Variants in FN1 observed in about 807,000 individuals in gnomAD.
FN1 encodes the protein fibronectin 1.
Under a neutral mutation model 297.3 loss-of-function variants are expected in FN1, and 106 were observed. That is an observed-to-expected ratio of 0.36 (90% CI 0.30 to 0.42). The LOEUF (loss-of-function observed/expected upper bound fraction) is 0.42. Ranked by LOEUF, FN1 falls within the 10% of genes least tolerant of loss-of-function variation. The pLI is 1.00. For missense variants in FN1, 2,690 were observed against 3,124.9 expected, an observed-to-expected ratio of 0.86 and a Z score of 3.32; for synonymous variants, 1,149 against 1,152.6, an observed-to-expected ratio of 1.00 and a Z score of 0.06.
At chr2:215,432,050 G>C in intron 3 of FN1, 86 bp from the exon 4 acceptor site, 1 of 1,549,548 alleles carries the variant, frequency 6.5e-7, no homozygotes, top group Non-Finnish European at 8.9e-7. Flanking sequence ...TAGGTACTTA[G>C]GTTGGCTAAA....
rs149660627 is a variant in FN1 at position 215,369,977 on chromosome 2, A to G, written c.6853+317T>C. ...AAAGACATCAGGAAACCTGTGCCCT[A>G]TATCAACTCAGATACTCAGAAGTAA... On this transcript the variant is annotated intron_variant, in intron 41 of 45. Transcript: ENST00000354785. 3.5e-4 allele frequency among the ~76,000 whole-genome samples: 53 copies of G among 152,348 alleles called. No individual in the cohort carries two copies. In the East Asian group the frequency reaches 5.2e-3, roughly 15 times the overall value.
At chr2:215,387,704 TATAA>T (rs1184543506) in intron 27 of FN1, among the ~76,000 whole-genome samples, 4 of 152,318 alleles carry the variant, frequency 2.6e-5, no homozygotes, top group East Asian at 3.9e-4. Context: ...GCAAGTGGAC[TATAA>T]ATAAATTAAT....
chr2:215,393,148 G>A lies in FN1; in HGVS notation c.3852C>T (p.Gly1284=), dbSNP rs369113471. Residue 1284 remains glycine, a synonymous_variant, in exon 25 of 46, where the codon GGC becomes GGT. Transcript: ENST00000354785. ...AAGAGTTTAGCGGGGTCCACCTCAGGCCGATGCTTGAATCGGTTATATCAA... is the reference window on the plus strand; with the variant it reads ...AAGAGTTTAGCGGGGTCCACCTCAGACCGATGCTTGAATCGGTTATATCAA... ...SFVDITDSSI[G]LRWTPLNSST... is the part of the protein sequence containing the mutation. 1.6e-5 allele frequency: 26 copies of A among 1,614,000 alleles called. No individual in the cohort carries two copies. Among genetic ancestry groups the A allele is most frequent in the Non-Finnish European group, 2.2e-5 (26 of 1,179,996 alleles).
chr2:215,413,119 C>T (rs1490923390), intron 13 of FN1, among the ~76,000 whole-genome samples: 1 of 152,044 alleles, frequency 6.6e-6, no homozygotes, highest in Non-Finnish European at 1.5e-5. Flanking sequence ...TTATAATACA[C>T]TTGGGGGTTT....
intron 13 of FN1, among the ~76,000 whole-genome samples, chr2:215,411,744 G>A (rs2062670761): frequency 6.7e-6 from 1 of 148,642 alleles, no homozygotes; most frequent in Non-Finnish European, 1.5e-5. Context: ...CTGGCTCACT[G>A]CAACCTCCGC....
At chr2:215,420,359 AAAAACAAAC>A (rs1227255549) in intron 11 of FN1, among the ~76,000 whole-genome samples, 7 of 135,788 alleles carry the variant, frequency 5.2e-5, no homozygotes, top group South Asian at 2.3e-4. Context: ...AAACAAAAAC[AAAAACAAAC>A]AAAAAAAAAA....
intron 12 of FN1, among the ~76,000 whole-genome samples, chr2:215,417,261 A>C (rs2063558065): frequency 6.6e-6 from 1 of 152,188 alleles, no homozygotes; most frequent in Admixed American, 6.6e-5. Flanking sequence ...TCCCTCTCTT[A>C]TTCAATATGA....
intron 6 of FN1, among the ~76,000 whole-genome samples, chr2:215,426,267 G>T (rs1007017925): frequency 7.0e-6 from 1 of 143,876 alleles, no homozygotes; most frequent in African/African-American, 2.6e-5. Context: ...TCCTGCCTCA[G>T]CCTCCCGAGT....
rs2060086808 is a variant in FN1 at position 215,394,614 on chromosome 2, A to G, written c.3710T>C (p.Leu1237Pro). Reference protein sequence around the residue: ...ADQSSCTFDNLSPGLEYNVSV... With the variant: ...ADQSSCTFDNPSPGLEYNVSV... ...GACATTGTACTCCAGGCCGGGACTCAGGTTATCAAAAGTGCAGGAGCTCTG... is the reference window on the plus strand; with the variant it reads ...GACATTGTACTCCAGGCCGGGACTCGGGTTATCAAAAGTGCAGGAGCTCTG... Residue 1237 changes from leucine to proline, a missense_variant, in exon 24 of 46, where the codon CTG becomes CCG. By Grantham distance (98) the Leu-to-Pro change is moderately conservative (BLOSUM62 -3). Around this residue, in one of 3 missense-constraint regions of FN1, gnomAD observed 1,743 missense variants for 1,945.2 expected, o/e 0.90. Transcript: ENST00000354785. 1 of 1,614,010 alleles carries G rather than the reference A, an allele frequency of 6.2e-7. No individual in the cohort carries two copies. The highest frequency in any genetic ancestry group is 8.5e-7 in the Non-Finnish European group (1 of 1,179,970).
intron 21 of FN1, among the ~76,000 whole-genome samples, chr2:215,399,051 C>G (rs1272566405): frequency 1.3e-5 from 2 of 152,182 alleles, no homozygotes; most frequent in Non-Finnish European, 2.9e-5. Context: ...AAAACACTTT[C>G]GCAGCCTCCA....
At chr2:215,416,832 G>C (rs1394568617) in intron 12 of FN1, among the ~76,000 whole-genome samples, 4 of 152,202 alleles carry the variant, frequency 2.6e-5, no homozygotes, top group Non-Finnish European at 5.9e-5. Flanking sequence ...GGGTACAGCA[G>C]TGGTTTTTAC....
At chr2:215,363,753 C>G (rs2053981243) in intron 44 of FN1, 1 of 138,538 alleles carries the variant, frequency 7.2e-6, no homozygotes, top group African/African-American at 2.5e-5. Flanking sequence ...CTGTCACATT[C>G]CATTGCTTTT....
intron 34 of FN1, among the ~76,000 whole-genome samples, chr2:215,378,518 A>T (rs949447128): frequency 6.6e-5 from 10 of 152,180 alleles, no homozygotes; most frequent in African/African-American, 2.4e-4. Context: ...GCTGGTAAAA[A>T]AAATGAGAAA....
rs114284140 is a variant in FN1 at position 215,362,410 on chromosome 2, G to A, written c.7252-331C>T. ...GTTCTCTGCACTAGATGATAGAAAA[G>A]GTTTTCAAAGAATCCTAGCGATTTT... On this transcript the variant is annotated intron_variant, in intron 44 of 45. Transcript: ENST00000354785. The A allele has an allele frequency of 1.4e-3, 449 of 319,050 alleles. 3 individuals carry two copies. Among genetic ancestry groups the A allele is most frequent in the African/African-American group, 9.2e-3 (428 of 46,674 alleles). 19.8% of individuals were successfully genotyped at this position (319,050 alleles called of 1,614,324 possible).
chr2:215,408,570 T>TTAG, intron 15 of FN1, 144 bp from the exon 16 acceptor site: 1 of 770,414 alleles, frequency 1.3e-6, no homozygotes, highest in Non-Finnish European at 2.2e-6. Context: ...TAATCAGTGA[T>TTAG]TATTATTATT....
chr2:215,392,542 T>G (rs2577302), intron 25 of FN1: 280,608 of 293,480 alleles, frequency 0.96, 134,257 homozygotes, highest in East Asian at 1. Flanking sequence ...AGAAGGAAGA[T>G]CATGATGGTA....
chr2:215,361,396 T>C lies in FN1; in HGVS notation c.*159A>G, dbSNP rs1004267943. On this transcript the variant is annotated 3_prime_UTR_variant, in exon 46 of 46. Coordinates refer to ENST00000354785, the MANE Select transcript of FN1 (RefSeq NM_212482.4). ...CCTCAGGAAACTCCCAGGGTGATGC[T>C]TGGAGAAGCTGTGAGTTGAGCTGAA... The C allele has an allele frequency of 5.1e-5, 38 of 738,550 alleles. No homozygotes were observed. The highest frequency in any genetic ancestry group is 4.3e-4 in the African/African-American group (25 of 57,816). The allele number at this position is 738,550 out of a possible 1,614,324, so 45.7% of individuals were successfully genotyped here.
intron 12 of FN1, among the ~76,000 whole-genome samples, chr2:215,417,512 T>C: frequency 6.6e-6 from 1 of 152,208 alleles, no homozygotes; most frequent in East Asian, 1.9e-4. Context: ...TTTGCTAGTT[T>C]GAACAACTCT....
intron 13 of FN1, among the ~76,000 whole-genome samples, chr2:215,412,197 T>A (rs1295096199): frequency 6.6e-6 from 1 of 151,902 alleles, no homozygotes; most frequent in Non-Finnish European, 1.5e-5. Context: ...TTTTCTTTTT[T>A]TTTTTTTCAT....
Sources: gnomAD v4.1 joint callset for allele counts (sites outside exome capture counted in the v4.1 genomes callset) on GRCh38, gnomAD v4.1.1 for gene constraint, gnomAD v4.1.1 regional missense constraint, MANE v1.5 for transcripts, NCBI Gene and HGNC (gene_info 2026-07-23, HGNC 2026-07-21) for gene names.